Variants in PCDH15 observed in about 807,000 individuals in gnomAD.
PCDH15 encodes the protein protocadherin related 15, also known as protocadherin-15.
PCDH15 carries 129 observed loss-of-function variants against 178.5 expected under a neutral mutation model. The ratio of observed to expected loss-of-function variants is 0.72; its 90% CI spans 0.63 to 0.84. The LOEUF is 0.84. Among genes scored for constraint, PCDH15 ranks in the 40% least tolerant of loss-of-function variants. PCDH15 has a pLI of 0.00. For missense variants in PCDH15, 2,230 were observed against 2,099.9 expected, an observed-to-expected ratio of 1.06 and a Z score of -1.21; for synonymous variants, 800 against 732.0, an observed-to-expected ratio of 1.09 and a Z score of -1.50.
At chr10:55,478,881 G>C (rs1840114608) in intron 2 of PCDH15, among the ~76,000 whole-genome samples, 1 of 149,766 alleles carries the variant, frequency 6.7e-6, no homozygotes, top group South Asian at 2.1e-4. Flanking sequence ...GGAAAACCTA[G>C]GGGATATGGA....
intron 1 of PCDH15, among the ~76,000 whole-genome samples, chr10:55,204,530 G>T (rs1197924734): frequency 8.8e-5 from 10 of 113,160 alleles, no homozygotes; most frequent in Non-Finnish European, 2.1e-4. Context: ...ACTATACCTT[G>T]TCCATATAAA....
intron 3 of PCDH15, among the ~76,000 whole-genome samples, chr10:54,810,104 C>G (rs1952839668): frequency 6.6e-6 from 1 of 151,930 alleles, no homozygotes; most frequent in Admixed American, 6.6e-5. Context: ...GATGCTCCCC[C>G]CAAAAATGAA....
At chr10:53,839,202 CAAAAAAAAAAA>C (rs758823713) in intron 29 of PCDH15, among the ~76,000 whole-genome samples, 1 of 74,618 alleles carries the variant, frequency 1.3e-5, no homozygotes, top group Non-Finnish European at 2.5e-5. Flanking sequence ...GTCTCCGTCT[CAAAAAAAAAAA>C]AAAAAAAAAA....
intron 2 of PCDH15, among the ~76,000 whole-genome samples, chr10:55,334,291 T>C: frequency 7.6e-6 from 1 of 131,510 alleles, no homozygotes; most frequent in East Asian, 2.4e-4. Context: ...TGTGTATGTG[T>C]ATATATCTAT....
At chr10:53,922,072 A>G (rs953853964) in intron 25 of PCDH15, among the ~76,000 whole-genome samples, 2 of 152,050 alleles carry the variant, frequency 1.3e-5, no homozygotes, top group Non-Finnish European at 2.9e-5. Context: ...TTGTTTATGT[A>G]TATACATTAT....
chr10:54,485,600 T>A (rs1366893328), intron 3 of PCDH15, among the ~76,000 whole-genome samples: 1 of 151,992 alleles, frequency 6.6e-6, no homozygotes, highest in East Asian at 1.9e-4. Context: ...TATTAGCCAG[T>A]TGCTAGACTT....
Position 55,235,897 on chromosome 10 carries a change from A to G in PCDH15, c.-155-69246T>C, listed in dbSNP as rs547466832. ...ACTCCAGCCTGGGCGACAGAGCGAGACTCCATGTCAAAAAAAAAAAAAAAA... is the reference window on the plus strand; with the variant it reads ...ACTCCAGCCTGGGCGACAGAGCGAGGCTCCATGTCAAAAAAAAAAAAAAAA... On this transcript the variant is annotated intron_variant, in intron 1 of 5. Coordinates refer to the PCDH15 transcript ENST00000458638. Among the ~76,000 whole-genome samples, 89 of 129,904 alleles carry G rather than the reference A, an allele frequency of 6.9e-4. 1 individual carries two copies. In the South Asian group the frequency reaches 0.019, roughly 28 times the overall value. 85.2% of individuals were successfully genotyped at this position (129,904 alleles called of 152,430 possible).
At chr10:54,228,846 C>T (rs2053749546) in intron 9 of PCDH15, among the ~76,000 whole-genome samples, 1 of 152,122 alleles carries the variant, frequency 6.6e-6, no homozygotes, top group African/African-American at 2.4e-5. Flanking sequence ...CTTAGACAGA[C>T]CCAGAAATAA....
At chr10:54,696,841 A>G (rs975472079) in intron 1 of PCDH15, among the ~76,000 whole-genome samples, 6 of 152,114 alleles carry the variant, frequency 3.9e-5, no homozygotes, top group African/African-American at 1.4e-4. Flanking sequence ...AAATGATGTG[A>G]TTATAAGTTA....
At chr10:55,292,018 A>T (rs1360026644) in intron 1 of PCDH15, among the ~76,000 whole-genome samples, 1 of 152,126 alleles carries the variant, frequency 6.6e-6, no homozygotes, top group Non-Finnish European at 1.5e-5. Flanking sequence ...TCAAGATAAG[A>T]TTTGGGCAGG....
intron 5 of PCDH15, among the ~76,000 whole-genome samples, chr10:54,354,402 C>T (rs1944644529): frequency 6.6e-6 from 1 of 152,222 alleles, no homozygotes; most frequent in Non-Finnish European, 1.5e-5. Flanking sequence ...GTGCTTCTTT[C>T]ACTTCCTTTA....
At chr10:54,337,275 T>C (rs1349194012) in intron 6 of PCDH15, among the ~76,000 whole-genome samples, 3 of 152,038 alleles carry the variant, frequency 2.0e-5, no homozygotes, top group Non-Finnish European at 4.4e-5. Context: ...AGTTAAAACT[T>C]TGAGGGACTG....
chr10:54,762,453 G>C (rs7078688), intron 1 of PCDH15, among the ~76,000 whole-genome samples: 7,420 of 152,096 alleles, frequency 0.049, 632 homozygotes, highest in African/African-American at 0.17. Context: ...ATGAACATAA[G>C]AGTTGATATT....
intron 2 of PCDH15, among the ~76,000 whole-genome samples, chr10:55,082,529 C>A (rs1842067652): frequency 7.0e-6 from 1 of 143,636 alleles, no homozygotes; most frequent in African/African-American, 2.5e-5. Flanking sequence ...AAACCAAACC[C>A]AAAATTAGTA....
chr10:54,185,221 G>C lies in PCDH15; in HGVS notation c.1353C>G (p.Val451=), dbSNP rs1207824945. The C allele has an allele frequency of 2.5e-6, 4 of 1,613,642 alleles. No individual in the cohort carries two copies. The Admixed American group carries it at 6.7e-5, about 27-fold the overall frequency. Residue 451 remains valine, a synonymous_variant, in exon 12 of 38, where the codon GTC becomes GTG. Coordinates refer to ENST00000644397, the MANE Select transcript of PCDH15 (RefSeq NM_001384140.1). ...TAATACCAGTCTGTGTGACGGTGAA[G>C]ACTGAGGTGTAGTCATTCAGAAAAA... ...LHLFLNDYTS[V]FTVTQTGITR... is the part of the protein sequence containing the mutation.
intron 5 of PCDH15, among the ~76,000 whole-genome samples, chr10:54,365,321 C>A (rs937146822): frequency 2.6e-5 from 4 of 152,014 alleles, no homozygotes; most frequent in Non-Finnish European, 5.9e-5. Context: ...AAGAGCTTAC[C>A]ACAGTGCTCA....
chr10:54,513,835 C>T (rs745423157), intron 3 of PCDH15, among the ~76,000 whole-genome samples: 3 of 152,124 alleles, frequency 2.0e-5, no homozygotes, highest in South Asian at 2.1e-4. Flanking sequence ...TCTTGGATTA[C>T]AGCAATGAAT....
At chr10:55,313,569 G>C (rs1314838224) in intron 1 of PCDH15, among the ~76,000 whole-genome samples, 1 of 152,062 alleles carries the variant, frequency 6.6e-6, no homozygotes, top group South Asian at 2.1e-4. Flanking sequence ...CTAGTGCATA[G>C]GACAATTAAT....
intron 1 of PCDH15, among the ~76,000 whole-genome samples, chr10:55,276,247 C>G (rs1051175850): frequency 6.7e-6 from 1 of 150,184 alleles, no homozygotes; most frequent in South Asian, 2.1e-4. Context: ...TAATATAATA[C>G]GAAATAGAAG....
Sources: gnomAD v4.1 joint callset for allele counts (sites outside exome capture counted in the v4.1 genomes callset) on GRCh38, gnomAD v4.1.1 for gene constraint, MANE v1.5 for transcripts, NCBI Gene and HGNC (gene_info 2026-07-23, HGNC 2026-07-21) for gene names.